The following CCM2L variants were observed in gnomAD, a reference collection of about 807,000 sequenced individuals.
CCM2L encodes the protein cerebral cavernous malformations 2 protein-like.
Under a neutral mutation model 54.1 loss-of-function variants are expected in CCM2L, and 36 were observed. The ratio of observed to expected loss-of-function variants is 0.67; its 90% CI spans 0.51 to 0.88. The LOEUF is 0.88. Among genes scored for constraint, CCM2L ranks in the 40% least tolerant of loss-of-function variants. CCM2L has a pLI of 0.00. For synonymous variants in CCM2L, 351 were observed against 359.3 expected (o/e 0.98, Z 0.26); for missense variants, 700 against 812.1 (o/e 0.86, Z 1.68).
In CCM2L at chr20:32,017,688, T is replaced by C. The variant is rs1484796178; in HGVS notation, c.199-112T>C. ...TAAAAGTTATTATCAGGTATATTAA[T>C]TCATGTATTTCTATCTCAATCTATC... On this transcript the variant is annotated intron_variant, in intron 2 of 9. Transcript: ENST00000452892. 30 of 871,450 alleles carry C rather than the reference T, an allele frequency of 3.4e-5. No homozygotes were observed. The Admixed American group carries it at 5.0e-4, about 15-fold the overall frequency. 54.0% of individuals were successfully genotyped at this position (871,450 alleles called of 1,614,324 possible).
intron 7 of CCM2L, among the ~76,000 whole-genome samples, chr20:32,027,531 C>T (rs2064873926): frequency 6.6e-6 from 1 of 152,138 alleles, no homozygotes; most frequent in Non-Finnish European, 1.5e-5. Flanking sequence ...CATGATGACA[C>T]TAATTATTAT....
At chr20:32,010,545 C>T in intron 1 of CCM2L, 61 bp downstream of exon 1, 1 of 123,514 alleles carries the variant, frequency 8.1e-6, no homozygotes, top group South Asian at 8.0e-5. Flanking sequence ...GGGAAGGGGG[C>T]AAACTGGGGC....
intron 2 of CCM2L, 118 bp from the exon 3 acceptor site, chr20:32,017,682 T>C: frequency 1.2e-6 from 1 of 844,578 alleles, no homozygotes; most frequent in South Asian, 1.4e-5. Flanking sequence ...TTATCAGGTA[T>C]ATTAATTCAT....
intron 2 of CCM2L, among the ~76,000 whole-genome samples, chr20:32,016,578 C>A (rs1039393137): frequency 6.6e-6 from 1 of 151,938 alleles, no homozygotes; most frequent in East Asian, 2.0e-4. Flanking sequence ...ATCGCTTGAA[C>A]CTGGGAGGCA....
Position 32,031,375 on chromosome 20 carries a change from G to A in CCM2L, c.*61G>A, listed in dbSNP as rs1038965192. ...ACCTCTGAGTCTCAGCTTTGCTTCG[G>A]GGACCCTATCCCCAGGGCCCCCCCA... is the stretch of plus-strand genomic sequence containing the variant. On this transcript the variant is annotated 3_prime_UTR_variant, in exon 10 of 10. Coordinates refer to ENST00000452892, the MANE Select transcript of CCM2L (RefSeq NM_001365692.1). 6.6e-6 allele frequency: 8 copies of A among 1,205,958 alleles called. No individual in the cohort carries two copies. In the African/African-American group the frequency reaches 9.6e-5, roughly 14 times the overall value. The allele number at this position is 1,205,958 out of a possible 1,614,324, so 74.7% of individuals were successfully genotyped here.
At chr20:32,010,616 T>G in intron 1 of CCM2L, 132 bp downstream of exon 1, 1 of 838,082 alleles carries the variant, frequency 1.2e-6, no homozygotes, top group South Asian at 1.6e-5. Context: ...TGGAAGTAAC[T>G]TCCTTCCCAC....
intron 9 of CCM2L, among the ~76,000 whole-genome samples, chr20:32,030,290 C>G (rs2064909197): frequency 1.3e-5 from 2 of 152,090 alleles, no homozygotes; most frequent in Non-Finnish European, 2.9e-5. Flanking sequence ...GAAGTAGATA[C>G]TATTAATGGT....
At chr20:32,022,622 G>A (rs1327782527) in intron 5 of CCM2L, 38 bp from the exon 6 acceptor site, 2 of 1,610,196 alleles carry the variant, frequency 1.2e-6, no homozygotes, top group Non-Finnish European at 1.7e-6. Flanking sequence ...TTGGTCATTG[G>A]TGAGGACCTG....
intron 6 of CCM2L, among the ~76,000 whole-genome samples, chr20:32,024,920 T>C (rs890659639): frequency 6.6e-6 from 1 of 152,198 alleles, no homozygotes; most frequent in African/African-American, 2.4e-5. Flanking sequence ...TGATCAGAGA[T>C]CAGAAATGGT....
At chr20:32,025,337 C>T (rs1160861247) in intron 6 of CCM2L, among the ~76,000 whole-genome samples, 2 of 151,380 alleles carry the variant, frequency 1.3e-5, no homozygotes, top group African/African-American at 4.9e-5. Context: ...GGTACAATCA[C>T]GGCTCTCTGC....
intron 6 of CCM2L, among the ~76,000 whole-genome samples, chr20:32,023,389 T>G (rs1236802456): frequency 6.6e-6 from 1 of 152,232 alleles, no homozygotes; most frequent in African/African-American, 2.4e-5. Flanking sequence ...GTCCCTATAT[T>G]GCAGCAACCT....
chr20:32,029,289 C>T (rs916483508), intron 8 of CCM2L, 165 bp downstream of exon 8: 13 of 893,550 alleles, frequency 1.5e-5, no homozygotes, highest in Non-Finnish European at 2.2e-5. Context: ...TTGTGAAAGG[C>T]CTTAACTAAT....
chr20:32,013,441 G>A (rs549218405), intron 1 of CCM2L, among the ~76,000 whole-genome samples: 1 of 151,986 alleles, frequency 6.6e-6, no homozygotes, highest in Non-Finnish European at 1.5e-5. Context: ...GGGGGGTGGG[G>A]GTTGTTTGTT....
chr20:32,017,810 A>C lies in CCM2L; in HGVS notation c.209A>C (p.His70Pro), dbSNP rs1389597575. 1.2e-6 allele frequency: 2 copies of C among 1,613,978 alleles called. No homozygotes were observed. Among genetic ancestry groups the C allele is most frequent in the Non-Finnish European group, 8.5e-7 (1 of 1,179,986 alleles). The change falls in exon 3 of 10, where the codon CAC becomes CCC. Residue 70 changes from histidine to proline, a missense_variant. Transcript: ENST00000452892. ...YLEKEVKFLG[H>P]LTWVTSSLNP... The stretch of plus-strand genomic sequence containing the variant: ...CCGATTTCCATCCAGTTCCTGGGCC[A>C]CCTTACCTGGGTGACTTCCTCACTG...
In CCM2L at chr20:32,029,035, A is replaced by AC. The variant is rs1411946178; in HGVS notation, c.1175dup (p.Ser393ValfsTer33). ...CACCTTTGAAGCATGTTACAGCGGC[A>AC]CGTCCACACCTTCTTTCCATGGCTC... On this transcript the variant is annotated frameshift_variant, in exon 8 of 10. Coordinates refer to ENST00000452892, the MANE Select transcript of CCM2L (RefSeq NM_001365692.1). LOFTEE classifies it high-confidence loss of function. The AC allele has an allele frequency of 1.2e-6, 2 of 1,614,136 alleles. No homozygotes were observed. The highest frequency in any genetic ancestry group is 1.7e-6 in the Non-Finnish European group (2 of 1,179,980).
intron 4 of CCM2L, among the ~76,000 whole-genome samples, chr20:32,018,469 C>T (rs969996262): frequency 6.6e-6 from 1 of 151,858 alleles, no homozygotes; most frequent in African/African-American, 2.4e-5. Context: ...AAGACCTAGG[C>T]CAGGGCTGGA....
chr20:32,014,977 G>A lies in CCM2L; in HGVS notation c.104G>A (p.Ser35Asn), dbSNP rs559659580. Reference protein sequence around the residue: ...GRRAACRSSVSRRPLHSMPLY... With the variant: ...GRRAACRSSVNRRPLHSMPLY... Reference sequence around the variant, plus strand: ...CGGGCAGCCTGTAGGAGCAGCGTGAGCCGCCGGCCCCTGCACTCGATGCCC... The same window carrying A: ...CGGGCAGCCTGTAGGAGCAGCGTGAACCGCCGGCCCCTGCACTCGATGCCC... The change falls in exon 2 of 10, where the codon AGC (serine) becomes AAC (asparagine). Residue 35 changes from serine to asparagine, a missense_variant. Transcript: ENST00000452892. 7.5e-6 allele frequency: 12 copies of A among 1,592,286 alleles called. No homozygotes were observed. The African/African-American group carries it at 1.5e-4, about 20-fold the overall frequency.
rs185255007 is a variant in CCM2L at position 32,021,392 on chromosome 20, A to G, written c.934-1268A>G. Among the ~76,000 whole-genome samples, 4 of 152,264 alleles carry G rather than the reference A, an allele frequency of 2.6e-5. No individual in the cohort carries two copies. The East Asian group carries it at 7.7e-4, about 29-fold the overall frequency. ...AAGTTGGAATTTGTGGAGTGAGTAA[A>G]TAAGTGTAATCCCAACACTTTGGGA... On this transcript the variant is annotated intron_variant, in intron 5 of 9. Coordinates refer to ENST00000452892, the MANE Select transcript of CCM2L (RefSeq NM_001365692.1).
intron 6 of CCM2L, among the ~76,000 whole-genome samples, chr20:32,023,836 T>A (rs1464555743): frequency 6.6e-6 from 1 of 152,190 alleles, no homozygotes; most frequent in African/African-American, 2.4e-5. Context: ...GTTCAAGTGA[T>A]TCTCCTGCTT....
Sources: gnomAD v4.1 joint callset for allele counts (sites outside exome capture counted in the v4.1 genomes callset) on GRCh38, gnomAD v4.1.1 for gene constraint, MANE v1.5 for transcripts, NCBI Gene and HGNC (gene_info 2026-07-23, HGNC 2026-07-21) for gene names.